Variants in CYP2C19 observed in about 807,000 individuals in gnomAD.
CYP2C19 encodes cytochrome P450 family 2 subfamily C member 19.
A neutral mutation model predicts 40.9 loss-of-function variants in CYP2C19; 59 were observed. That is an observed-to-expected ratio of 1.44 (90% CI 1.17 to 1.79). CYP2C19 has a LOEUF of 1.79. Among genes scored for constraint, CYP2C19 ranks in the 40% most tolerant of loss-of-function variants. The pLI is 0.00. For missense variants in CYP2C19, 754 were observed against 596.9 expected, an observed-to-expected ratio of 1.26 and a Z score of -2.74; for synonymous variants, 253 against 208.7, an observed-to-expected ratio of 1.21 and a Z score of -1.83.
chr10:94,830,463 C>T (rs1279284199), intron 6 of CYP2C19, among the ~76,000 whole-genome samples: 1 of 152,232 alleles, frequency 6.6e-6, no homozygotes, highest in African/African-American at 2.4e-5. Flanking sequence ...AAAGGGAACT[C>T]CCTGACCCCT....
intron 6 of CYP2C19, among the ~76,000 whole-genome samples, chr10:94,829,029 A>T (rs1849281000): frequency 6.6e-6 from 1 of 152,152 alleles, no homozygotes; most frequent in South Asian, 2.1e-4. Context: ...CTGCCGAGAG[A>T]TCTGCTGTTA....
chr10:94,827,384 GTCT>G (rs1396638661), intron 6 of CYP2C19, among the ~76,000 whole-genome samples: 1 of 151,896 alleles, frequency 6.6e-6, no homozygotes, highest in African/African-American at 2.4e-5. Flanking sequence ...TCCTGGTTTA[GTCT>G]TGGGAGAGTG....
In CYP2C19 at chr10:94,850,020, A is replaced by G. The variant is rs1849629194; in HGVS notation, c.1253A>G (p.Asn418Ser). ...CGTCACTTTCTGGATGAAGGTGGAA[A>G]TTTTAAGAAAAGTAACTACTTCATG... ...DPRHFLDEGG[N>S]FKKSNYFMPF... Residue 418 changes from asparagine to serine, a missense_variant, in exon 8 of 9, where the codon AAT becomes AGT. Coordinates refer to ENST00000371321, the MANE Select transcript of CYP2C19 (RefSeq NM_000769.4). 6.2e-7 allele frequency: 1 copy of G among 1,613,674 alleles called. No individual in the cohort carries two copies. Among genetic ancestry groups the G allele is most frequent in the Non-Finnish European group, 8.5e-7 (1 of 1,179,718 alleles).
intron 6 of CYP2C19, among the ~76,000 whole-genome samples, chr10:94,824,738 G>C (rs1394137531): frequency 3.3e-5 from 5 of 151,718 alleles, no homozygotes; most frequent in Non-Finnish European, 7.4e-5. Context: ...CATGTGCCAT[G>C]CTGGTGCACG....
At chr10:94,806,756 T>A (rs2134257081) in intron 5 of CYP2C19, among the ~76,000 whole-genome samples, 1 of 149,746 alleles carries the variant, frequency 6.7e-6, no homozygotes, top group South Asian at 2.1e-4. Context: ...AATTTATAAT[T>A]TATTATTTTA....
At chr10:94,852,093 G>A (rs1849662305) in intron 8 of CYP2C19, among the ~76,000 whole-genome samples, 1 of 152,164 alleles carries the variant, frequency 6.6e-6, no homozygotes, top group Admixed American at 6.5e-5. Flanking sequence ...ATGATGAGTG[G>A]CTATGCCTAG....
At position 94,842,987 on chromosome 10, in the gene CYP2C19, C is replaced by G. The variant is rs568155950; in HGVS notation, c.1112C>G (p.Thr371Ser). The change falls in exon 7 of 9, where the codon ACC becomes AGC. Residue 371 changes from threonine to serine, a missense_variant. Thr to Ser is a moderately conservative substitution (Grantham distance 58). Coordinates refer to ENST00000371321, the MANE Select transcript of CYP2C19 (RefSeq NM_000769.4). Reference sequence around the variant, plus strand: ...CCCACCAGCCTGCCCCATGCAGTGACCTGTGACGTTAAATTCAGAAACTAC... The same window carrying G: ...CCCACCAGCCTGCCCCATGCAGTGAGCTGTGACGTTAAATTCAGAAACTAC... ...LIPTSLPHAV[T>S]CDVKFRNYLI... 5.6e-6 allele frequency: 9 copies of G among 1,614,074 alleles called. No individual in the cohort carries two copies. The highest frequency in any genetic ancestry group is 7.6e-6 in the Non-Finnish European group (9 of 1,180,048).
chr10:94,847,540 G>T (rs946649901), intron 7 of CYP2C19, among the ~76,000 whole-genome samples: 1 of 152,068 alleles, frequency 6.6e-6, no homozygotes, highest in Non-Finnish European at 1.5e-5. Flanking sequence ...ATAAATATAC[G>T]TGTGCATGTG....
At chr10:94,784,037 G>C (rs980724823) in intron 5 of CYP2C19, among the ~76,000 whole-genome samples, 1 of 152,136 alleles carries the variant, frequency 6.6e-6, no homozygotes, top group Admixed American at 6.6e-5. Context: ...CCACAAAAAC[G>C]TATTATATTC....
intron 5 of CYP2C19, among the ~76,000 whole-genome samples, chr10:94,810,744 A>G (rs113018075): frequency 6.6e-6 from 1 of 151,804 alleles, no homozygotes; most frequent in Non-Finnish European, 1.5e-5. Context: ...CCCCTTTATC[A>G]TTTTTTTGTT....
At chr10:94,771,622 T>G (rs1256867605) in intron 1 of CYP2C19, among the ~76,000 whole-genome samples, 1 of 152,076 alleles carries the variant, frequency 6.6e-6, no homozygotes, top group Non-Finnish European at 1.5e-5. Flanking sequence ...TAGGATGCAT[T>G]TCAAGGGTGA....
intron 1 of CYP2C19, among the ~76,000 whole-genome samples, chr10:94,773,296 T>C (rs1564660436): frequency 6.6e-6 from 1 of 152,170 alleles, no homozygotes; most frequent in Non-Finnish European, 1.5e-5. Flanking sequence ...CGGACCCACA[T>C]GGTGAGTGTT....
intron 1 of CYP2C19, among the ~76,000 whole-genome samples, chr10:94,765,214 A>T (rs1848223655): frequency 6.6e-6 from 1 of 151,982 alleles, no homozygotes; most frequent in Admixed American, 6.6e-5. Context: ...GCCATTCCTA[A>T]CCCTATAAGT....
At chr10:94,811,805 C>T (rs1223880058) in intron 5 of CYP2C19, among the ~76,000 whole-genome samples, 1 of 151,926 alleles carries the variant, frequency 6.6e-6, no homozygotes, top group Non-Finnish European at 1.5e-5. Flanking sequence ...GAATACAGCA[C>T]ATTGATGGGT....
chr10:94,805,833 A>G (rs1006893643), intron 5 of CYP2C19, among the ~76,000 whole-genome samples: 3 of 152,242 alleles, frequency 2.0e-5, no homozygotes, highest in African/African-American at 4.8e-5. Context: ...GATGGGCCTT[A>G]TAAAGTTGGC....
intron 7 of CYP2C19, among the ~76,000 whole-genome samples, chr10:94,849,072 C>T (rs1849614190): frequency 6.6e-6 from 1 of 152,118 alleles, no homozygotes; most frequent in African/African-American, 2.4e-5. Context: ...CCTTTATTCC[C>T]TTCTCCTGCC....
At chr10:94,803,883 C>G (rs1347097125) in intron 5 of CYP2C19, among the ~76,000 whole-genome samples, 3 of 152,002 alleles carry the variant, frequency 2.0e-5, no homozygotes, top group African/African-American at 7.3e-5. Flanking sequence ...GCTTTGAATG[C>G]CCTGAGATCT....
chr10:94,808,064 C>T (rs1306384975), intron 5 of CYP2C19, among the ~76,000 whole-genome samples: 1 of 151,946 alleles, frequency 6.6e-6, no homozygotes, highest in Non-Finnish European at 1.5e-5. Context: ...AGATAAAAAT[C>T]TTGTTTCATT....
At chr10:94,808,429 C>T (rs1416712131) in intron 5 of CYP2C19, among the ~76,000 whole-genome samples, 2 of 152,104 alleles carry the variant, frequency 1.3e-5, no homozygotes, top group Non-Finnish European at 2.9e-5. Flanking sequence ...CTTTATGTTA[C>T]AGACAATCGA....
Sources: allele counts gnomAD v4.1 joint callset (sites outside exome capture counted in the v4.1 genomes callset), GRCh38; gene constraint gnomAD v4.1.1; transcripts MANE v1.5; gene names NCBI Gene and HGNC (gene_info 2026-07-23, HGNC 2026-07-21).